Variants in KIAA1217 observed in about 807,000 individuals in gnomAD.
The protein encoded by KIAA1217 is KIAA1217, also known as sickle tail protein homolog.
A neutral mutation model predicts 163.9 loss-of-function variants in KIAA1217; 88 were observed. The ratio of observed to expected loss-of-function variants is 0.54; its 90% CI spans 0.45 to 0.64. The LOEUF (loss-of-function observed/expected upper bound fraction) is 0.64. Among genes scored for constraint, KIAA1217 ranks in the 30% least tolerant of loss-of-function variants. The pLI, the probability that KIAA1217 is intolerant of heterozygous loss-of-function variation, is 0.00. For missense variants in KIAA1217, 2,372 were observed against 2,475.0 expected (o/e 0.96, Z 0.88); for synonymous variants, 903 against 923.1 (o/e 0.98, Z 0.39).
intron 1 of KIAA1217, among the ~76,000 whole-genome samples, chr10:23,962,431 T>C (rs755354458): frequency 1.3e-5 from 2 of 152,236 alleles, no homozygotes; most frequent in African/African-American, 4.8e-5. Flanking sequence ...CTATCTGTTG[T>C]TATTATTGCC....
intron 2 of KIAA1217, among the ~76,000 whole-genome samples, chr10:24,239,673 A>ATGTG (rs150874554): frequency 2.6e-4 from 39 of 147,642 alleles, no homozygotes; most frequent in African/African-American, 7.7e-4. Flanking sequence ...TTATTCCCAG[A>ATGTG]TGTGTGTGTG....
intron 2 of KIAA1217, among the ~76,000 whole-genome samples, chr10:24,360,040 CTTTTTTTTTTT>C (rs34396312): frequency 1.1e-5 from 1 of 94,282 alleles, no homozygotes; most frequent in Non-Finnish European, 1.9e-5. Context: ...GATATAATTA[CTTTTTTTTTTT>C]TTTTTTTTTT....
chr10:24,073,152 T>A (rs1463979698), intron 2 of KIAA1217, among the ~76,000 whole-genome samples: 1 of 151,904 alleles, frequency 6.6e-6, no homozygotes, highest in Non-Finnish European at 1.5e-5. Context: ...CATACTCAAT[T>A]TATATACTCA....
chr10:24,163,464 G>A (rs1490143475), intron 2 of KIAA1217, among the ~76,000 whole-genome samples: 1 of 152,184 alleles, frequency 6.6e-6, no homozygotes, highest in African/African-American at 2.4e-5. Context: ...AGTTATGAAG[G>A]TGATTTTGTT....
At chr10:23,851,060 T>C (rs1192473458) in intron 1 of KIAA1217, among the ~76,000 whole-genome samples, 1 of 152,038 alleles carries the variant, frequency 6.6e-6, no homozygotes, top group Non-Finnish European at 1.5e-5. Flanking sequence ...ATGGGCACAA[T>C]GTGCAGGTTA....
At chr10:24,264,192 G>A (rs900508267) in intron 2 of KIAA1217, among the ~76,000 whole-genome samples, 8 of 152,142 alleles carry the variant, frequency 5.3e-5, no homozygotes, top group African/African-American at 1.9e-4. Context: ...AACGAGTACA[G>A]CGGGACTTTT....
intron 2 of KIAA1217, among the ~76,000 whole-genome samples, chr10:24,232,042 G>A (rs1435511774): frequency 6.6e-6 from 1 of 152,118 alleles, no homozygotes. Context: ...AAATTCACCT[G>A]CCCTGGATTC....
chr10:24,038,988 C>A (rs1848512367), intron 2 of KIAA1217, among the ~76,000 whole-genome samples: 1 of 152,118 alleles, frequency 6.6e-6, no homozygotes, highest in African/African-American at 2.4e-5. Flanking sequence ...AGGTGATCCA[C>A]CCACCTTGGC....
chr10:24,382,330 G>A (rs1218002324), intron 3 of KIAA1217, among the ~76,000 whole-genome samples: 4 of 151,968 alleles, frequency 2.6e-5, no homozygotes, highest in Non-Finnish European at 5.9e-5. Flanking sequence ...GGAGAAGAAA[G>A]AAAAAGATTG....
At chr10:23,741,859 C>T (rs545113573) in intron 1 of KIAA1217, among the ~76,000 whole-genome samples, 39 of 152,140 alleles carry the variant, frequency 2.6e-4, no homozygotes, top group Non-Finnish European at 4.4e-4. Context: ...AAGAGGTGGC[C>T]TTGAAATGGT....
At position 23,904,546 on chromosome 10, in the gene KIAA1217, C is replaced by T. The variant is rs149284891; in HGVS notation, c.-320-102679C>T. Among the ~76,000 whole-genome samples the T allele has an allele frequency of 2.2e-4, 34 of 152,236 alleles. No homozygotes were observed. The East Asian group carries it at 6.2e-3, about 28-fold the overall frequency. On this transcript the variant is annotated intron_variant, in intron 1 of 18. Coordinates refer to the KIAA1217 transcript ENST00000376462. ...CAGTTGGAGCCTCTTTTGCTTCAAA[C>T]ACTTCCACATCAAGGTGAGCTATCA...
intron 2 of KIAA1217, among the ~76,000 whole-genome samples, chr10:24,017,044 T>G (rs1490712663): frequency 1.1e-4 from 16 of 146,812 alleles, no homozygotes; most frequent in African/African-American, 3.2e-4. Context: ...TTTTTTGTTT[T>G]TTTTTTTTTT....
chr10:24,374,367 A>T (rs1033461204), intron 2 of KIAA1217, among the ~76,000 whole-genome samples: 1 of 152,312 alleles, frequency 6.6e-6, no homozygotes, highest in African/African-American at 2.4e-5. Context: ...CACATCCAGC[A>T]TCCAGATGTC....
intron 2 of KIAA1217, among the ~76,000 whole-genome samples, chr10:24,199,624 T>C (rs774834720): frequency 1.3e-5 from 2 of 152,264 alleles, no homozygotes; most frequent in Non-Finnish European, 2.9e-5. Flanking sequence ...GACTGTTTTA[T>C]GTGCAACCAA....
intron 2 of KIAA1217, among the ~76,000 whole-genome samples, chr10:24,289,459 G>T (rs1213757726): frequency 6.6e-6 from 1 of 152,120 alleles, no homozygotes; most frequent in African/African-American, 2.4e-5. Context: ...GAGGAGGAGG[G>T]ATGGAAATAT....
chr10:24,010,480 T>C (rs1847193663), intron 2 of KIAA1217, among the ~76,000 whole-genome samples: 1 of 148,342 alleles, frequency 6.7e-6, no homozygotes, highest in African/African-American at 2.5e-5. Flanking sequence ...GATCGATCCT[T>C]TTTTTTTTTT....
chr10:24,465,110 A>T (rs1592156846), intron 5 of KIAA1217, among the ~76,000 whole-genome samples: 1 of 152,110 alleles, frequency 6.6e-6, no homozygotes, highest in Admixed American at 6.6e-5. Flanking sequence ...ACAAAACAAA[A>T]CCTGCCTAAT....
At chr10:23,987,975 TTCTC>T in intron 1 of KIAA1217, among the ~76,000 whole-genome samples, 1 of 152,346 alleles carries the variant, frequency 6.6e-6, no homozygotes, top group African/African-American at 2.4e-5. Context: ...TTTATGTGGG[TTCTC>T]TCTATCAATA....
chr10:24,390,459 AGGAG>A (rs1162208163), intron 3 of KIAA1217, among the ~76,000 whole-genome samples: 17 of 94,580 alleles, frequency 1.8e-4, no homozygotes, highest in South Asian at 1.6e-3. Flanking sequence ...GGGGGAAAAA[AGGAG>A]GGAGGGAGGG....
Sources: gnomAD v4.1 joint callset for allele counts (sites outside exome capture counted in the v4.1 genomes callset) on GRCh38, gnomAD v4.1.1 for gene constraint, MANE v1.5 for transcripts, NCBI Gene and HGNC (gene_info 2026-07-23, HGNC 2026-07-21) for gene names.